The following DOK6 variants were observed in gnomAD, a reference collection of about 807,000 sequenced individuals.
DOK6 encodes downstream of tyrosine kinase 6.
In DOK6, 22 loss-of-function variants were observed where a neutral mutation model predicts 44.0. The observed-to-expected ratio is 0.50, with a 90% CI of 0.36 to 0.71. The LOEUF is 0.71. Among genes scored for constraint, DOK6 ranks in the 30% least tolerant of loss-of-function variants. The pLI, the probability that DOK6 is intolerant of heterozygous loss-of-function variation, is 0.00. For missense variants in DOK6, 340 were observed against 416.4 expected, an observed-to-expected ratio of 0.82 and a Z score of 1.60; for synonymous variants, 166 against 145.5, an observed-to-expected ratio of 1.14 and a Z score of -1.01.
At position 69,762,340 on chromosome 18, in the gene DOK6, T is replaced by TA. The variant is rs202053773; in HGVS notation, c.856+4474dup. Among the ~76,000 whole-genome samples the TA allele has an allele frequency of 5.1e-3, 773 of 152,268 alleles. 5 individuals are homozygous for TA. The highest frequency in any genetic ancestry group is 8.3e-3 in the Non-Finnish European group (562 of 68,022). Reference sequence around the variant, plus strand: ...TGGGCTAAACAGTAAGACCCTGTCTTAAAAAAATATTTTTTTAAAGTCTAG... The same window carrying TA: ...TGGGCTAAACAGTAAGACCCTGTCTTAAAAAAAATATTTTTTTAAAGTCTAG... On this transcript the variant is annotated intron_variant, in intron 7 of 7. Transcript: ENST00000382713.
intron 5 of DOK6, among the ~76,000 whole-genome samples, chr18:69,711,365 C>T (rs1599278264): frequency 6.6e-6 from 1 of 152,140 alleles, no homozygotes; most frequent in East Asian, 1.9e-4. Flanking sequence ...TAAAATCATC[C>T]TTAATGAAGC....
At chr18:69,741,744 T>C (rs1000620450) in intron 6 of DOK6, among the ~76,000 whole-genome samples, 1 of 152,126 alleles carries the variant, frequency 6.6e-6, no homozygotes, top group Non-Finnish European at 1.5e-5. Flanking sequence ...CAGTCCAACT[T>C]CCTTGGTCTC....
intron 1 of DOK6, among the ~76,000 whole-genome samples, chr18:69,553,094 A>G (rs892373996): frequency 6.6e-6 from 1 of 152,258 alleles, no homozygotes; most frequent in Non-Finnish European, 1.5e-5. Context: ...TTGTGATTTT[A>G]AAATATCAAT....
intron 1 of DOK6, among the ~76,000 whole-genome samples, chr18:69,513,855 C>T (rs986380910): frequency 2.0e-5 from 3 of 151,932 alleles, no homozygotes; most frequent in Non-Finnish European, 4.4e-5. Context: ...AGTGAAAATA[C>T]AATTTATAAT....
At chr18:69,665,791 CCA>C (rs1985641810) in intron 3 of DOK6, among the ~76,000 whole-genome samples, 1 of 151,398 alleles carries the variant, frequency 6.6e-6, no homozygotes, top group Non-Finnish European at 1.5e-5. Flanking sequence ...GTAGTTACAC[CCA>C]CAGTTTTGAT....
intron 3 of DOK6, among the ~76,000 whole-genome samples, chr18:69,617,372 G>A (rs142802479): frequency 8.6e-5 from 13 of 150,852 alleles, no homozygotes; most frequent in East Asian, 7.8e-4. Flanking sequence ...AAGACTGAGC[G>A]ATAGGAGAAA....
In DOK6 at chr18:69,683,730, A is replaced by G. The variant is rs117807167; in HGVS notation, c.409+5877A>G. 2.0e-4 allele frequency among the ~76,000 whole-genome samples: 30 copies of G among 152,352 alleles called. No individual in the cohort carries two copies. The East Asian group carries it at 5.6e-3, about 28-fold the overall frequency. On this transcript the variant is annotated intron_variant, in intron 4 of 7. Transcript: ENST00000382713. ...AGCCTCCAGAACTATGAGATGATAT[A>G]TTACTGTTATTTTAAGCCAACCAAT...
Position 69,538,296 on chromosome 18 carries a change from C to CT in DOK6, c.67-26184dup, listed in dbSNP as rs572888099. The stretch of plus-strand genomic sequence containing the variant: ...CCGCTTGAGGTCTAAATTTTAGTGT[C>CT]TTTTTTTAAAGCATGCTATTCATTG... On this transcript the variant is annotated intron_variant, in intron 1 of 7. Transcript: ENST00000382713. 1.3e-3 allele frequency among the ~76,000 whole-genome samples: 205 copies of CT among 152,082 alleles called. 1 individual carries two copies. Among genetic ancestry groups the CT allele is most frequent in the South Asian group, 7.5e-3 (36 of 4,812 alleles).
intron 5 of DOK6, among the ~76,000 whole-genome samples, chr18:69,722,219 C>T (rs924224426): frequency 5.9e-5 from 9 of 152,150 alleles, no homozygotes; most frequent in Non-Finnish European, 8.8e-5. Flanking sequence ...TAATACTATT[C>T]GCATTTACAC....
intron 1 of DOK6, among the ~76,000 whole-genome samples, chr18:69,526,624 G>T (rs1981839018): frequency 6.6e-6 from 1 of 151,844 alleles, no homozygotes. Context: ...AAAATTTCTG[G>T]GTCATACAGA....
At chr18:69,408,689 G>GT (rs1336584461) in intron 1 of DOK6, among the ~76,000 whole-genome samples, 2 of 152,136 alleles carry the variant, frequency 1.3e-5, no homozygotes, top group Non-Finnish European at 2.9e-5. Context: ...TCAAAAGGCA[G>GT]TATGTGTTGA....
chr18:69,694,058 C>CAAAAAAA (rs60662789), intron 4 of DOK6, among the ~76,000 whole-genome samples: 25 of 62,006 alleles, frequency 4.0e-4, no homozygotes, highest in East Asian at 7.0e-4. Context: ...GACTCCGTGT[C>CAAAAAAA]AAAAAAAAAA....
chr18:69,820,643 AG>A (rs1981542314), intron 7 of DOK6, among the ~76,000 whole-genome samples: 1 of 152,184 alleles, frequency 6.6e-6, no homozygotes, highest in African/African-American at 2.4e-5. Flanking sequence ...AAACTAAAAA[AG>A]CTAATTCACT....
intron 1 of DOK6, among the ~76,000 whole-genome samples, chr18:69,445,331 T>C (rs772256637): frequency 6.6e-6 from 1 of 152,248 alleles, no homozygotes; most frequent in African/African-American, 2.4e-5. Context: ...CAACATTGAA[T>C]AGTCCTGGCT....
intron 1 of DOK6, among the ~76,000 whole-genome samples, chr18:69,422,058 G>A (rs1978508018): frequency 6.6e-6 from 1 of 152,132 alleles, no homozygotes; most frequent in South Asian, 2.1e-4. Context: ...TCCATCATGT[G>A]TACCCTAACG....
chr18:69,428,244 T>C (rs1978699433), intron 1 of DOK6, among the ~76,000 whole-genome samples: 1 of 152,072 alleles, frequency 6.6e-6, no homozygotes, highest in South Asian at 2.1e-4. Flanking sequence ...ATTATTTCTA[T>C]AGTAATCTGC....
At chr18:69,428,020 C>T (rs376895084) in intron 1 of DOK6, among the ~76,000 whole-genome samples, 7 of 152,060 alleles carry the variant, frequency 4.6e-5, no homozygotes, top group Non-Finnish European at 7.4e-5. Context: ...CCAGGTGATC[C>T]GCCGGCCTCA....
At chr18:69,629,198 T>C (rs1173241326) in intron 3 of DOK6, among the ~76,000 whole-genome samples, 6 of 152,184 alleles carry the variant, frequency 3.9e-5, no homozygotes, top group Admixed American at 2.6e-4. Context: ...CAGAGGTTCA[T>C]TTGTATGGTG....
chr18:69,419,273 C>T (rs748693295), intron 1 of DOK6, among the ~76,000 whole-genome samples: 6 of 152,120 alleles, frequency 3.9e-5, no homozygotes, highest in Non-Finnish European at 5.9e-5. Flanking sequence ...CCATCCAAAA[C>T]GCGCACATAG....
Sources: allele counts gnomAD v4.1 joint callset (sites outside exome capture counted in the v4.1 genomes callset), GRCh38; gene constraint gnomAD v4.1.1; transcripts MANE v1.5; gene names NCBI Gene and HGNC (gene_info 2026-07-23, HGNC 2026-07-21).